LIMK2: variants seen among roughly 807,000 people sequenced by gnomAD.
LIMK2 encodes LIM domain kinase 2.
LIMK2 carries 35 observed loss-of-function variants against 75.7 expected under a neutral mutation model. The observed-to-expected ratio is 0.46, with a 90% CI of 0.35 to 0.61. LIMK2 has a LOEUF of 0.61. Among genes scored for constraint, LIMK2 ranks in the 20% least tolerant of loss-of-function variants. LIMK2 has a pLI of 0.00. For missense variants in LIMK2, 623 were observed against 831.0 expected (o/e 0.75, Z 3.08); for synonymous variants, 301 against 319.2 (o/e 0.94, Z 0.61).
intron 2 of LIMK2, among the ~76,000 whole-genome samples, chr22:31,232,740 G>T (rs1364855575): frequency 6.6e-6 from 1 of 151,980 alleles, no homozygotes; most frequent in Non-Finnish European, 1.5e-5. Flanking sequence ...GGGACTACAG[G>T]CACACACTAC....
intron 2 of LIMK2, among the ~76,000 whole-genome samples, chr22:31,238,976 C>A (rs1414468172): frequency 6.6e-6 from 1 of 152,200 alleles, no homozygotes; most frequent in Non-Finnish European, 1.5e-5. Context: ...TAATTAGTAT[C>A]ATGGAGCAAC....
At chr22:31,227,970 T>A (rs2048493170) in intron 2 of LIMK2, among the ~76,000 whole-genome samples, 1 of 152,104 alleles carries the variant, frequency 6.6e-6, no homozygotes, top group African/African-American at 2.4e-5. Flanking sequence ...CACTGAACTC[T>A]TGGGTCATTT....
intron 5 of LIMK2, among the ~76,000 whole-genome samples, chr22:31,261,845 C>T (rs1017246789): frequency 6.6e-6 from 1 of 152,086 alleles, no homozygotes; most frequent in African/African-American, 2.4e-5. Flanking sequence ...TGAATAACTA[C>T]AATGATGGAA....
At chr22:31,272,229 T>A (rs1365582859) in intron 12 of LIMK2, among the ~76,000 whole-genome samples, 3 of 146,974 alleles carry the variant, frequency 2.0e-5, no homozygotes, top group African/African-American at 7.5e-5. Context: ...CCCAGCTAAT[T>A]TTTTTTTTTT....
chr22:31,248,541 G>T (rs2048692915), intron 2 of LIMK2: 1 of 1,592,168 alleles, frequency 6.3e-7, no homozygotes, highest in Non-Finnish European at 8.5e-7. Flanking sequence ...GGGCCAAGTG[G>T]CCTGGAGTCC....
chr22:31,276,798 CG>C, intron 15 of LIMK2: 1 of 1,609,392 alleles, frequency 6.2e-7, no homozygotes, highest in Non-Finnish European at 8.5e-7. Flanking sequence ...GAGCCCCCCC[CG>C]GGGCCGCAGG....
chr22:31,263,500 T>C (rs1277445581), intron 7 of LIMK2, among the ~76,000 whole-genome samples: 1 of 152,126 alleles, frequency 6.6e-6, no homozygotes, highest in African/African-American at 2.4e-5. Flanking sequence ...AGTGCTGCCA[T>C]AGGGACAGTG....
intron 14 of LIMK2, among the ~76,000 whole-genome samples, chr22:31,274,793 C>T (rs1325398034): frequency 1.3e-5 from 2 of 152,186 alleles, no homozygotes; most frequent in African/African-American, 4.8e-5. Context: ...GGGTTTCAGA[C>T]ATGAATCAGA....
chr22:31,215,840 G>A (rs1489428088), intron 1 of LIMK2, among the ~76,000 whole-genome samples: 4 of 152,146 alleles, frequency 2.6e-5, no homozygotes, highest in Admixed American at 2.0e-4. Flanking sequence ...AAGACAAGCT[G>A]TTATAAGGCT....
chr22:31,272,672 A>G lies in LIMK2; in HGVS notation c.1526A>G (p.Asn509Ser). The G allele has an allele frequency of 9.9e-6, 16 of 1,612,160 alleles. No individual in the cohort carries two copies. The highest frequency in any genetic ancestry group is 1.4e-5 in the Non-Finnish European group (16 of 1,179,292). The change falls in exon 13 of 16, where the codon AAC becomes AGC. Residue 509 changes from asparagine (N) to serine (S), a missense_variant. By Grantham distance (46) the Asn-to-Ser change is conservative. Transcript: ENST00000331728. The stretch of plus-strand genomic sequence containing the variant: ...AAGAAGCGCTACACGGTGGTGGGAA[A>G]CCCCTACTGGATGGCCCCTGAGATG... ...DRKKRYTVVG[N>S]PYWMAPEMLN...
intron 2 of LIMK2, among the ~76,000 whole-genome samples, chr22:31,244,807 G>A (rs1381231504): frequency 1.3e-5 from 2 of 152,190 alleles, no homozygotes; most frequent in African/African-American, 4.8e-5. Context: ...GGGCTTACAT[G>A]CAGTGCATTG....
At chr22:31,246,910 ATAATAAATGC>A (rs2048676759) in intron 2 of LIMK2, among the ~76,000 whole-genome samples, 1 of 152,182 alleles carries the variant, frequency 6.6e-6, no homozygotes, top group Non-Finnish European at 1.5e-5. Context: ...AACATGATGG[ATAATAAATGC>A]TAAGCACTTA....
At chr22:31,255,203 G>A (rs1568994560) in intron 2 of LIMK2, among the ~76,000 whole-genome samples, 1 of 151,774 alleles carries the variant, frequency 6.6e-6, no homozygotes, top group Non-Finnish European at 1.5e-5. Flanking sequence ...GAGGGAAAGG[G>A]GCTTGTCCAA....
intron 2 of LIMK2, among the ~76,000 whole-genome samples, chr22:31,241,387 C>A (rs1186262235): frequency 6.6e-6 from 1 of 152,210 alleles, no homozygotes; most frequent in Non-Finnish European, 1.5e-5. Flanking sequence ...CCCTCAGGAA[C>A]GGCTCTGGTC....
At chr22:31,277,064 CCA>C in intron 15 of LIMK2, 1 of 1,613,950 alleles carries the variant, frequency 6.2e-7, no homozygotes, top group Non-Finnish European at 8.5e-7. Context: ...TGTTACAAAC[CCA>C]CAGAGGCCTT....
At chr22:31,244,624 AG>A (rs1315513731) in intron 2 of LIMK2, among the ~76,000 whole-genome samples, 2 of 152,166 alleles carry the variant, frequency 1.3e-5, no homozygotes, top group African/African-American at 2.4e-5. Flanking sequence ...GCAACCTCAT[AG>A]GGGTGAAAAA....
chr22:31,268,270 G>A (rs2048916635), intron 11 of LIMK2, 70 bp downstream of exon 11: 1 of 1,276,172 alleles, frequency 7.8e-7, no homozygotes, highest in Non-Finnish European at 1.1e-6. Context: ...GGGCTTCACT[G>A]GAAGGTAGAG....
intron 1 of LIMK2, among the ~76,000 whole-genome samples, chr22:31,213,259 G>A (rs2048363010): frequency 6.6e-6 from 1 of 152,086 alleles, no homozygotes; most frequent in South Asian, 2.1e-4. Context: ...TCACCTCCCC[G>A]CCACCTCACA....
chr22:31,256,380 A>T (rs1187154385), intron 2 of LIMK2, among the ~76,000 whole-genome samples: 1 of 146,084 alleles, frequency 6.8e-6, no homozygotes, highest in Non-Finnish European at 1.5e-5. Flanking sequence ...TGACTCTGTC[A>T]CCCAGGCTGG....
Sources: gnomAD v4.1 joint callset for allele counts (sites outside exome capture counted in the v4.1 genomes callset) on GRCh38, gnomAD v4.1.1 for gene constraint, MANE v1.5 for transcripts, NCBI Gene and HGNC (gene_info 2026-07-23, HGNC 2026-07-21) for gene names.